Variants in CDC40 observed in about 807,000 individuals in gnomAD.
CDC40 encodes pre-mRNA-processing factor 17.
CDC40 carries 27 observed loss-of-function variants against 80.6 expected under a neutral mutation model. That is an observed-to-expected ratio of 0.33 (90% CI 0.25 to 0.46). The LOEUF (loss-of-function observed/expected upper bound fraction) is 0.46, where lower values mean the gene tolerates loss of function less well. CDC40 is among the 20% of genes least tolerant of loss of function. The pLI, the probability that CDC40 is intolerant of heterozygous loss-of-function variation, is 1.00. For missense variants in CDC40, 486 were observed against 694.1 expected (o/e 0.70, Z 3.37); for synonymous variants, 221 against 232.6 (o/e 0.95, Z 0.45).
intron 1 of CDC40, among the ~76,000 whole-genome samples, chr6:110,188,266 T>C (rs772836403): frequency 7.2e-5 from 11 of 152,226 alleles, no homozygotes; most frequent in Non-Finnish European, 1.3e-4. Flanking sequence ...TTTGGGAAGA[T>C]ATGAATGTGG....
chr6:110,209,746 A>AT (rs1777610338), intron 5 of CDC40, among the ~76,000 whole-genome samples: 1 of 152,186 alleles, frequency 6.6e-6, no homozygotes, highest in South Asian at 2.1e-4. Context: ...GGTCCCAGGC[A>AT]TACAGCAGTG....
At chr6:110,209,803 G>A (rs1777611074) in intron 5 of CDC40, among the ~76,000 whole-genome samples, 1 of 152,118 alleles carries the variant, frequency 6.6e-6, no homozygotes, top group South Asian at 2.1e-4. Flanking sequence ...TATTCTAGCT[G>A]TTACTTACAT....
At chr6:110,215,704 A>G (rs1012245690) in intron 9 of CDC40, among the ~76,000 whole-genome samples, 5 of 152,222 alleles carry the variant, frequency 3.3e-5, no homozygotes, top group African/African-American at 1.2e-4. Context: ...TTGGGGAACC[A>G]TTAAAGAGCT....
At chr6:110,189,934 T>G (rs1777322320) in intron 1 of CDC40, among the ~76,000 whole-genome samples, 1 of 152,216 alleles carries the variant, frequency 6.6e-6, no homozygotes, top group South Asian at 2.1e-4. Flanking sequence ...CTCACAAAGG[T>G]TTTTTGTGAC....
chr6:110,184,808 G>A (rs1299028451), intron 1 of CDC40, among the ~76,000 whole-genome samples: 2 of 152,068 alleles, frequency 1.3e-5, no homozygotes, highest in Non-Finnish European at 2.9e-5. Context: ...ATGATAGAAG[G>A]TTCAGTTCAC....
At chr6:110,219,156 A>G (rs903237022) in intron 10 of CDC40, among the ~76,000 whole-genome samples, 9 of 152,118 alleles carry the variant, frequency 5.9e-5, no homozygotes, top group Non-Finnish European at 1.3e-4. Context: ...TATTTATTCT[A>G]CAATTGGTAG....
chr6:110,181,639 T>C (rs1336052853), intron 1 of CDC40, among the ~76,000 whole-genome samples: 9 of 152,224 alleles, frequency 5.9e-5, no homozygotes, highest in Non-Finnish European at 1.2e-4. Flanking sequence ...AACAAAACTT[T>C]CCAAACTTAA....
At position 110,219,915 on chromosome 6, in the gene CDC40, T is replaced by A. The variant is rs775513318; in HGVS notation, c.1340+46T>A. 4.4e-6 allele frequency: 7 copies of A among 1,581,210 alleles called. No individual in the cohort carries two copies. The African/African-American group carries it at 9.5e-5, about 22-fold the overall frequency. Reference sequence around the variant, plus strand: ...AATCTGATTTACATAAAGCAAGCAGTTAAAAATTATATAGACAAAGATGAA... The same window carrying A: ...AATCTGATTTACATAAAGCAAGCAGATAAAAATTATATAGACAAAGATGAA... On this transcript the variant is annotated intron_variant, in intron 12 of 14. Coordinates refer to ENST00000307731, the MANE Select transcript of CDC40 (RefSeq NM_015891.3).
intron 1 of CDC40, among the ~76,000 whole-genome samples, chr6:110,181,156 CAAAT>C (rs531433062): frequency 2.2e-4 from 34 of 152,272 alleles, no homozygotes; most frequent in African/African-American, 7.9e-4. Context: ...TGAAATTACA[CAAAT>C]AAAGCATATA....
intron 12 of CDC40, among the ~76,000 whole-genome samples, chr6:110,222,032 G>A (rs908894039): frequency 1.3e-5 from 2 of 152,090 alleles, no homozygotes; most frequent in African/African-American, 2.4e-5. Context: ...GAGTTGGGTG[G>A]ATCACTTGAA....
At chr6:110,229,248 A>G (rs886105413) in intron 14 of CDC40, among the ~76,000 whole-genome samples, 9 of 152,248 alleles carry the variant, frequency 5.9e-5, no homozygotes, top group African/African-American at 1.9e-4. Context: ...TATATAACCA[A>G]TGCCTTATTT....
chr6:110,185,245 T>TTC lies in CDC40; in HGVS notation c.189+4613_189+4614insCT, dbSNP rs1562198257. Reference sequence around the variant, plus strand: ...TCTTTTTCTTCATCTTTTTTTCTTTTTTTTTTTTTTTTTTGGAGACGGAGT... The same window carrying TTC: ...TCTTTTTCTTCATCTTTTTTTCTTTTTCTTTTTTTTTTTTTTGGAGACGGAGT... On this transcript the variant is annotated intron_variant, in intron 1 of 14. Coordinates refer to ENST00000307731, the MANE Select transcript of CDC40 (RefSeq NM_015891.3). Among the ~76,000 whole-genome samples the TTC allele has an allele frequency of 3.3e-3, 475 of 143,620 alleles. 5 individuals are homozygous for TTC. Among genetic ancestry groups the TTC allele is most frequent in the African/African-American group, 0.012 (454 of 38,470 alleles). The allele number at this position is 143,620 out of a possible 152,430, so 94.2% of individuals were successfully genotyped here. A position where few individuals can be genotyped will look rare whatever the true frequency, so the allele number is the denominator to read the frequency against.
rs536535319 is a variant in CDC40, at chr6:110,212,369, A to G, written c.867+97A>G. On this transcript the variant is annotated intron_variant, in intron 7 of 14. Transcript: ENST00000307731. ...ATGTGGAACATTTAGTATTTCTGGT[A>G]AAGGTACAGGGAAGTCAAATTGAAT... The G allele has an allele frequency of 2.4e-4, 300 of 1,272,654 alleles. 3 individuals are homozygous for G. The East Asian group carries it at 6.3e-3, about 27-fold the overall frequency. The allele number at this position is 1,272,654 out of a possible 1,614,324, so 78.8% of individuals were successfully genotyped here.
At chr6:110,226,344 G>T (rs1777859830) in intron 13 of CDC40, 101 bp downstream of exon 13, 1 of 658,570 alleles carries the variant, frequency 1.5e-6, no homozygotes, top group Non-Finnish European at 2.6e-6. Flanking sequence ...GGGGAAGTTT[G>T]TCACTGTGCC....
chr6:110,193,963 A>G (rs1401029060), intron 2 of CDC40, among the ~76,000 whole-genome samples: 2 of 152,352 alleles, frequency 1.3e-5, no homozygotes, highest in East Asian at 1.9e-4. Flanking sequence ...ATTACAAAAC[A>G]TCTAATTACA....
intron 3 of CDC40, among the ~76,000 whole-genome samples, chr6:110,203,744 G>A (rs1777522012): frequency 6.6e-6 from 1 of 152,252 alleles, no homozygotes. Context: ...TTACTCTACA[G>A]TTTTGCTTTT....
At chr6:110,198,583 G>A (rs1777450041) in intron 2 of CDC40, among the ~76,000 whole-genome samples, 1 of 152,034 alleles carries the variant, frequency 6.6e-6, no homozygotes, top group East Asian at 1.9e-4. Flanking sequence ...AGTTCCTTGT[G>A]TATTTTGGAT....
At chr6:110,226,926 T>A (rs1292554489) in intron 13 of CDC40, among the ~76,000 whole-genome samples, 7 of 151,920 alleles carry the variant, frequency 4.6e-5, no homozygotes, top group Non-Finnish European at 7.4e-5. Flanking sequence ...CAGGCTGAGA[T>A]GGGCAGTTTG....
At chr6:110,204,076 G>T (rs1046087825) in intron 3 of CDC40, among the ~76,000 whole-genome samples, 1 of 152,112 alleles carries the variant, frequency 6.6e-6, no homozygotes, top group South Asian at 2.1e-4. Context: ...GCAGTGGCGC[G>T]ATCTCAGCTC....
Sources: allele counts gnomAD v4.1 joint callset (sites outside exome capture counted in the v4.1 genomes callset), GRCh38; gene constraint gnomAD v4.1.1; transcripts MANE v1.5; gene names NCBI Gene and HGNC (gene_info 2026-07-23, HGNC 2026-07-21).